Variants in ARMC2 observed in about 807,000 individuals in gnomAD.
The protein encoded by ARMC2 is armadillo repeat-containing protein 2.
Under a neutral mutation model 90.3 loss-of-function variants are expected in ARMC2, and 67 were observed. The observed-to-expected ratio is 0.74, with a 90% CI of 0.61 to 0.91. The LOEUF is 0.91. Ranked by LOEUF, ARMC2 falls within the 40% of genes least tolerant of loss-of-function variation. The probability of loss-of-function intolerance (pLI) is 0.00; values close to 1 mark genes in which losing one functional copy is unlikely to be tolerated. For synonymous variants in ARMC2, 393 were observed against 393.0 expected (o/e 1.00, Z 0.00); for missense variants, 920 against 1,030.9 (o/e 0.89, Z 1.47).
At chr6:109,044,461 T>C in the ARMC2 span, among the ~76,000 whole-genome samples, 860 of 151,584 alleles carry the variant, frequency 5.7e-3, 8 homozygotes, top group African/African-American at 0.02. Flanking sequence ...AAAATGATTC[T>C]AGACATAAAC....
the ARMC2 span, among the ~76,000 whole-genome samples, chr6:109,021,873 C>G: frequency 6.6e-6 from 1 of 152,086 alleles, no homozygotes; most frequent in African/African-American, 2.4e-5. Context: ...GACTTTTAAA[C>G]CCTAATAATT....
chr6:108,942,507 A>G (rs974456303), intron 12 of ARMC2, among the ~76,000 whole-genome samples: 1 of 152,202 alleles, frequency 6.6e-6, no homozygotes, highest in Non-Finnish European at 1.5e-5. Context: ...CTTTGCCGCA[A>G]CTGGGATTTA....
At chr6:109,034,147 T>C in the ARMC2 span, among the ~76,000 whole-genome samples, 15 of 152,218 alleles carry the variant, frequency 9.9e-5, no homozygotes, top group African/African-American at 3.4e-4. Flanking sequence ...GAACCAACTG[T>C]CCTGTCTTAC....
In ARMC2 at chr6:108,876,236, G is replaced by T. The variant is rs370071020; in HGVS notation, c.557G>T (p.Cys186Phe). 1 of 1,612,892 alleles carries T rather than the reference G, an allele frequency of 6.2e-7. No homozygotes were observed. Among genetic ancestry groups the T allele is most frequent in the South Asian group, 1.1e-5 (1 of 90,724 alleles). ...TATTTAACAAAATCAAATGCTATTT[G>T]CCACTTAAAGAGTCACCCACTTCAG... ...GIYLTKSNAI[C>F]HLKSHPLQLT... Residue 186 changes from cysteine (C) to phenylalanine (F), a missense_variant, in exon 5 of 18, where the codon TGC (cysteine) becomes TTC (phenylalanine). Cys to Phe is a radical substitution (Grantham distance 205, BLOSUM62 -2). Coordinates refer to ENST00000392644, the MANE Select transcript of ARMC2 (RefSeq NM_032131.6).
chr6:108,881,389 T>G (rs1583000620), intron 5 of ARMC2, among the ~76,000 whole-genome samples: 1 of 150,004 alleles, frequency 6.7e-6, no homozygotes, highest in Non-Finnish European at 1.5e-5. Context: ...CTTGGAACAT[T>G]GCATTCATAA....
chr6:108,854,944 A>G (rs1241689982), intron 2 of ARMC2, among the ~76,000 whole-genome samples: 4 of 152,192 alleles, frequency 2.6e-5, no homozygotes, highest in African/African-American at 9.7e-5. Flanking sequence ...TACTGTCTCC[A>G]TGATTTTGCC....
chr6:108,975,664 C>T (rs188149408), downstream of ARMC2, among the ~76,000 whole-genome samples: 429 of 152,322 alleles, frequency 2.8e-3, 3 homozygotes, highest in African/African-American at 9.9e-3. Flanking sequence ...TCTCCAGTAT[C>T]TGTTGTTTCC....
At chr6:109,009,559 G>C in the ARMC2 span, 1 of 1,120,900 alleles carries the variant, frequency 8.9e-7, no homozygotes, top group African/African-American at 1.7e-5. Flanking sequence ...GGACGGCGGG[G>C]GGGCGGGGCG....
rs1777312691 is a variant in ARMC2 at position 108,953,155 on chromosome 6, C to G, written c.1719C>G (p.Phe573Leu). The G allele has an allele frequency of 6.2e-7, 1 of 1,613,976 alleles. No homozygotes were observed. The highest frequency in any genetic ancestry group is 1.7e-5 in the Admixed American group (1 of 60,010). Residue 573 changes from phenylalanine (F) to leucine (L), a missense_variant, in exon 13 of 18, where the codon TTC becomes TTG. By Grantham distance (22) the Phe-to-Leu change is conservative (BLOSUM62 0). Transcript: ENST00000392644. ...IQTLLSLFQT[F>L]HQLDLHSQKP... ...CTCTGCTGTCATTATTCCAGACGTT[C>G]CATCAGCTGGATCTGCATTCCCAGA... is the stretch of plus-strand genomic sequence containing the variant.
Position 108,964,177 on chromosome 6 carries a change from T to C in ARMC2, c.2153-3T>C. ...GGTCTGCATTTGCTCTCTTCCCTCG[T>C]AGTCCACAGGTTCATGATGGCGCTG... On this transcript the variant is annotated splice_polypyrimidine_tract_variant and splice_region_variant and intron_variant, in intron 15 of 17. Transcript: ENST00000392644. 1 of 1,612,118 alleles carries C rather than the reference T, an allele frequency of 6.2e-7. No homozygotes were observed. Among genetic ancestry groups the C allele is most frequent in the Non-Finnish European group, 8.5e-7 (1 of 1,179,286 alleles).
chr6:108,940,936 G>A (rs1200621398), intron 12 of ARMC2, among the ~76,000 whole-genome samples: 1 of 152,204 alleles, frequency 6.6e-6, no homozygotes, highest in East Asian at 1.9e-4. Context: ...AGAGAGAGAA[G>A]ACTGGCAACA....
intron 17 of ARMC2, 110 bp from the exon 18 acceptor site, chr6:108,973,246 TG>T: frequency 1.3e-6 from 1 of 751,900 alleles, no homozygotes; most frequent in Non-Finnish European, 2.1e-6. Context: ...TGTGTTACGT[TG>T]GTATTAAAGG....
At chr6:108,885,890 TG>T (rs1778047859) in intron 5 of ARMC2, among the ~76,000 whole-genome samples, 1 of 152,180 alleles carries the variant, frequency 6.6e-6, no homozygotes, top group African/African-American at 2.4e-5. Context: ...TGCCTGTTTT[TG>T]TAAATAAACT....
At chr6:108,858,494 G>T (rs1582930407) in intron 3 of ARMC2, among the ~76,000 whole-genome samples, 1 of 151,626 alleles carries the variant, frequency 6.6e-6, no homozygotes, top group African/African-American at 2.4e-5. Flanking sequence ...TAATAAAGAA[G>T]AATTTTTAAA....
rs558878096 is a variant in ARMC2 at position 108,952,921 on chromosome 6, C to T, written c.1597-112C>T. On this transcript the variant is annotated intron_variant, in intron 12 of 17. Coordinates refer to ENST00000392644, the MANE Select transcript of ARMC2 (RefSeq NM_032131.6). ...ACTGTACAAGTGAGCCGAAGCCAGACGTGTTCCATTTTACTATTAATGCAA... is the reference window on the plus strand; with the variant it reads ...ACTGTACAAGTGAGCCGAAGCCAGATGTGTTCCATTTTACTATTAATGCAA... 2.4e-3 allele frequency: 2,481 copies of T among 1,038,900 alleles called. 4 individuals are homozygous for T. Among genetic ancestry groups the T allele is most frequent in the Non-Finnish European group, 3.1e-3 (2,211 of 717,506 alleles). The allele number at this position is 1,038,900 out of a possible 1,614,324, so 64.4% of individuals were successfully genotyped here.
At chr6:108,980,518 GAGGA>G in the ARMC2 span, among the ~76,000 whole-genome samples, 16,813 of 151,968 alleles carry the variant, frequency 0.11, 1,020 homozygotes, top group Middle Eastern at 0.19. Context: ...GAGTTCTCCT[GAGGA>G]GAACGCCTGC....
chr6:108,999,760 G>A, the ARMC2 span, among the ~76,000 whole-genome samples: 2 of 152,016 alleles, frequency 1.3e-5, no homozygotes, highest in Non-Finnish European at 2.9e-5. Context: ...TCCACAAATC[G>A]CACACCTAAT....
chr6:109,001,708 G>A, the ARMC2 span, among the ~76,000 whole-genome samples: 1 of 152,080 alleles, frequency 6.6e-6, no homozygotes, highest in Non-Finnish European at 1.5e-5. Context: ...AACATTAAAG[G>A]CCATCTAGAT....
chr6:108,876,183 G>A lies in ARMC2; in HGVS notation c.504G>A (p.Gly168=). The A allele has an allele frequency of 6.2e-7, 1 of 1,611,506 alleles. No individual in the cohort carries two copies. Among genetic ancestry groups the A allele is most frequent in the South Asian group, 1.1e-5 (1 of 90,338 alleles). ...TVESKETVMM[G]DSMVKINGIY... is the part of the protein sequence containing the mutation. ...AATCCAAAGAAACAGTTATGATGGG[G>A]GACTCTATGGTGAAAATAAATGGGA... Residue 168 remains glycine (G), a synonymous_variant, in exon 5 of 18, where the codon GGG becomes GGA. Coordinates refer to ENST00000392644, the MANE Select transcript of ARMC2 (RefSeq NM_032131.6).
Sources: allele counts gnomAD v4.1 joint callset (sites outside exome capture counted in the v4.1 genomes callset), GRCh38; gene constraint gnomAD v4.1.1; transcripts MANE v1.5; gene names NCBI Gene and HGNC (gene_info 2026-07-23, HGNC 2026-07-21).